TSHZ2: variants seen among roughly 807,000 people sequenced by gnomAD.
TSHZ2 encodes the protein teashirt zinc finger homeobox 2.
TSHZ2 carries 21 observed loss-of-function variants against 74.4 expected under a neutral mutation model. That is an observed-to-expected ratio of 0.28 (90% CI 0.20 to 0.41). TSHZ2 has a LOEUF of 0.41. TSHZ2 is among the 10% of genes least tolerant of loss of function. The pLI, the probability that TSHZ2 is intolerant of heterozygous loss-of-function variation, is 1.00. For missense variants in TSHZ2, 1,244 were observed against 1,293.5 expected, an observed-to-expected ratio of 0.96 and a Z score of 0.59; for synonymous variants, 540 against 515.3, an observed-to-expected ratio of 1.05 and a Z score of -0.65.
chr20:53,280,567 G>A (rs1377830285), intron 2 of TSHZ2, among the ~76,000 whole-genome samples: 2 of 152,164 alleles, frequency 1.3e-5, no homozygotes, highest in African/African-American at 4.8e-5. Flanking sequence ...TCCTGGTTTA[G>A]AAGATCCACT....
intron 1 of TSHZ2, among the ~76,000 whole-genome samples, chr20:53,183,014 C>T (rs1309443086): frequency 6.6e-6 from 1 of 152,164 alleles, no homozygotes; most frequent in Admixed American, 6.5e-5. Context: ...TCTCCTTGAA[C>T]TTGGTGTACT....
chr20:53,326,206 T>A (rs944060929), intron 2 of TSHZ2, among the ~76,000 whole-genome samples: 14 of 152,180 alleles, frequency 9.2e-5, no homozygotes, highest in Admixed American at 8.5e-4. Context: ...TTGCTAATGG[T>A]GGAATTTTAG....
At chr20:53,279,251 T>C (rs1250581838) in intron 2 of TSHZ2, among the ~76,000 whole-genome samples, 3 of 152,146 alleles carry the variant, frequency 2.0e-5, no homozygotes, top group Non-Finnish European at 4.4e-5. Flanking sequence ...GCTCATGTTG[T>C]TCAAGGGACA....
At chr20:53,346,962 T>C (rs574132771) in intron 2 of TSHZ2, among the ~76,000 whole-genome samples, 2 of 152,194 alleles carry the variant, frequency 1.3e-5, no homozygotes, top group South Asian at 2.1e-4. Context: ...AGTCTTGGAG[T>C]GTCCCAGTTC....
At chr20:53,440,469 T>G (rs1461872781) in intron 2 of TSHZ2, among the ~76,000 whole-genome samples, 1 of 152,212 alleles carries the variant, frequency 6.6e-6, no homozygotes, top group Non-Finnish European at 1.5e-5. Context: ...TCCTTAATTC[T>G]TTGTTCGTAT....
chr20:53,321,683 C>CAAAAAAAAAAAAAAAAAAAAA (rs59907513), intron 2 of TSHZ2, among the ~76,000 whole-genome samples: 2 of 58,300 alleles, frequency 3.4e-5, no homozygotes, highest in African/African-American at 8.3e-5. Flanking sequence ...GACTCCATCT[C>CAAAAAAAAAAAAAAAAAAAAA]AAAAAAAAAA....
At chr20:53,297,215 G>T (rs1991395295) in intron 2 of TSHZ2, among the ~76,000 whole-genome samples, 1 of 152,050 alleles carries the variant, frequency 6.6e-6, no homozygotes, top group African/African-American at 2.4e-5. Flanking sequence ...TGAAATGCAG[G>T]GGAAATTGAT....
At chr20:53,365,141 T>C (rs1465606176) in intron 2 of TSHZ2, among the ~76,000 whole-genome samples, 1 of 152,212 alleles carries the variant, frequency 6.6e-6, no homozygotes, top group Non-Finnish European at 1.5e-5. Context: ...CCCTTGAAAT[T>C]TTATGTATTT....
At chr20:53,013,836 C>T (rs1568719649) in intron 1 of TSHZ2, among the ~76,000 whole-genome samples, 1 of 152,160 alleles carries the variant, frequency 6.6e-6, no homozygotes, top group Non-Finnish European at 1.5e-5. Context: ...TGCATTCAGG[C>T]TCATTTATTT....
chr20:53,042,815 A>G (rs1285228678), intron 1 of TSHZ2, among the ~76,000 whole-genome samples: 2 of 152,186 alleles, frequency 1.3e-5, no homozygotes, highest in East Asian at 1.9e-4. Flanking sequence ...TTATAAGTGC[A>G]TATGTTTCGA....
chr20:53,468,093 C>T (rs1985615354), intron 2 of TSHZ2, among the ~76,000 whole-genome samples: 1 of 152,140 alleles, frequency 6.6e-6, no homozygotes, highest in Admixed American at 6.5e-5. Context: ...TTATTCAATC[C>T]AAGCTTTGTC....
In TSHZ2 at chr20:53,190,119, ATATATATATATATATATATT is replaced by A. The variant is rs1237840781; in HGVS notation, c.41-63378_41-63359del. On this transcript the variant is annotated intron_variant, in intron 1 of 2. Transcript: ENST00000371497. ...TATATATATATATATATATATATAT[ATATATATATATATATATATT>A]TTCTTAAATGCCTCTGTTTCTTTTT... is the stretch of plus-strand genomic sequence containing the variant. Among the ~76,000 whole-genome samples, 482 of 83,982 alleles carry A rather than the reference ATATATATATATATATATATT, an allele frequency of 5.7e-3. 14 individuals are homozygous for A. The highest frequency in any genetic ancestry group is 0.022 in the African/African-American group (430 of 19,340). 55.1% of individuals were successfully genotyped at this position (83,982 alleles called of 152,430 possible).
Position 53,440,249 on chromosome 20 carries a change from G to A in TSHZ2, c.*9-46895G>A, listed in dbSNP as rs981578424. On this transcript the variant is annotated intron_variant, in intron 2 of 2. Coordinates refer to ENST00000371497, the MANE Select transcript of TSHZ2 (RefSeq NM_173485.6). ...AGTTTGGTGGTTGCGGGATCTTCAC[G>A]CAGGGAGAATCATGGTGCGTAATTG... Among the ~76,000 whole-genome samples the A allele has an allele frequency of 5.9e-5, 9 of 152,154 alleles. No individual in the cohort carries two copies. The East Asian group carries it at 1.3e-3, about 23-fold the overall frequency.
intron 2 of TSHZ2, among the ~76,000 whole-genome samples, chr20:53,376,717 T>G (rs1397956259): frequency 1.3e-5 from 2 of 152,204 alleles, no homozygotes; most frequent in South Asian, 2.1e-4. Flanking sequence ...ACCTCACTTA[T>G]GTTGTGCACA....
rs75852298 is a variant in TSHZ2, at chr20:53,070,725, G to T, written c.40+97392G>T. Among the ~76,000 whole-genome samples the T allele has an allele frequency of 9.4e-3, 1,424 of 152,292 alleles. 15 individuals are homozygous for T. Among genetic ancestry groups the T allele is most frequent in the Middle Eastern group, 0.027 (8 of 294 alleles). ...ATTGTTTCTGTTAGGTGTTGTTGCA[G>T]AGAGGTTCACATAAACATTTATATA... is the stretch of plus-strand genomic sequence containing the variant. On this transcript the variant is annotated intron_variant, in intron 1 of 2. Transcript: ENST00000371497.
chr20:53,161,707 C>G (rs1046384551), intron 1 of TSHZ2, among the ~76,000 whole-genome samples: 1 of 152,130 alleles, frequency 6.6e-6, no homozygotes, highest in Non-Finnish European at 1.5e-5. Flanking sequence ...AGGAATCCGC[C>G]CGCATGATAC....
intron 2 of TSHZ2, among the ~76,000 whole-genome samples, chr20:53,459,224 T>G: frequency 6.6e-6 from 1 of 152,222 alleles, no homozygotes; most frequent in East Asian, 1.9e-4. Flanking sequence ...GGACATGCTT[T>G]ATGAATCTGG....
At chr20:53,276,958 G>A (rs1351287106) in intron 2 of TSHZ2, among the ~76,000 whole-genome samples, 1 of 152,094 alleles carries the variant, frequency 6.6e-6, no homozygotes, top group African/African-American at 2.4e-5. Context: ...CCAACATAGG[G>A]GTCCATCAGG....
At chr20:53,037,289 A>C (rs1276644401) in intron 1 of TSHZ2, among the ~76,000 whole-genome samples, 2 of 152,184 alleles carry the variant, frequency 1.3e-5, no homozygotes, top group Non-Finnish European at 2.9e-5. Context: ...TTCTGCACAC[A>C]ATAAAACATT....
Sources: gnomAD v4.1 joint callset for allele counts (sites outside exome capture counted in the v4.1 genomes callset) on GRCh38, gnomAD v4.1.1 for gene constraint, MANE v1.5 for transcripts, NCBI Gene and HGNC (gene_info 2026-07-23, HGNC 2026-07-21) for gene names.